Variants in EDNRB observed in about 807,000 individuals in gnomAD.
EDNRB encodes the protein endothelin receptor type B.
Under a neutral mutation model 46.4 loss-of-function variants are expected in EDNRB, and 18 were observed. The ratio of observed to expected loss-of-function variants is 0.39; its 90% CI spans 0.27 to 0.57. The LOEUF is 0.57. EDNRB is among the 20% of genes least tolerant of loss of function. EDNRB has a pLI of 0.61. For synonymous variants in EDNRB, 213 were observed against 204.9 expected, an observed-to-expected ratio of 1.04 and a Z score of -0.34; for missense variants, 434 against 537.5, an observed-to-expected ratio of 0.81 and a Z score of 1.90.
intron 1 of EDNRB, among the ~76,000 whole-genome samples, chr13:77,916,427 A>T (rs571406767): frequency 6.6e-6 from 1 of 152,196 alleles, no homozygotes; most frequent in South Asian, 2.1e-4. Flanking sequence ...ATTCAATTTC[A>T]GCTCTTACCA....
rs5350 is a variant in EDNRB at position 77,903,226 on chromosome 13, G to A, written c.731C>T (p.Thr244Met). The change falls in exon 3 of 7, where the codon ACG becomes ATG. Residue 244 changes from threonine (T) to methionine (M), a missense_variant. Transcript: ENST00000646607. ...CAGATAACTTCCTTTGTAGTCCATC[G>A]TAATTATATCAAAACCTATGGCTTC... ...VPEAIGFDIITMDYKGSYLRI... is the reference protein window; with the variant it reads ...VPEAIGFDIIMMDYKGSYLRI... The A allele has an allele frequency of 6.3e-4, 1,021 of 1,612,874 alleles. 10 individuals are homozygous for A. In the African/African-American group the frequency reaches 0.011, roughly 17 times the overall value.
At chr13:77,969,473 A>T (rs908572283) in intron 1 of EDNRB, among the ~76,000 whole-genome samples, 4 of 152,242 alleles carry the variant, frequency 2.6e-5, no homozygotes, top group Admixed American at 2.6e-4. Flanking sequence ...CTCCCTCGTG[A>T]CCCTGCAGAG....
chr13:77,934,821 A>G (rs143301709), intron 1 of EDNRB, among the ~76,000 whole-genome samples: 2,211 of 152,236 alleles, frequency 0.015, 45 homozygotes, highest in East Asian at 0.024. Context: ...GTACTATAGC[A>G]TAGCCTGGCT....
chr13:77,973,156 T>C (rs1566344887), intron 1 of EDNRB, among the ~76,000 whole-genome samples: 1 of 152,220 alleles, frequency 6.6e-6, no homozygotes, highest in Non-Finnish European at 1.5e-5. Context: ...GTGGACTTTA[T>C]AGTCCTTAGT....
Position 77,899,992 on chromosome 13 carries a change from G to A in EDNRB, c.1086-25C>T, listed in dbSNP as rs374918616. 3 of 1,588,950 alleles carry A rather than the reference G, an allele frequency of 1.9e-6. No homozygotes were observed. In the African/African-American group the frequency reaches 4.0e-5, roughly 21 times the overall value. On this transcript the variant is annotated intron_variant, in intron 5 of 6. Coordinates refer to ENST00000646607, the MANE Select transcript of EDNRB (RefSeq NM_001122659.3). ...GCTGCAACAAAATAACCCAAAATGT[G>A]TCTGAAAAATATGCTATTCTGAACA... is the stretch of plus-strand genomic sequence containing the variant.
intron 1 of EDNRB, among the ~76,000 whole-genome samples, chr13:77,971,068 T>A (rs1881713724): frequency 6.6e-6 from 1 of 152,176 alleles, no homozygotes; most frequent in African/African-American, 2.4e-5. Flanking sequence ...CATCCACGTA[T>A]AACTCTCAGT....
Position 77,898,186 on chromosome 13 carries a change from G to C in EDNRB, c.*14C>G. 1.2e-6 allele frequency: 2 copies of C among 1,610,312 alleles called. No homozygotes were observed. Among genetic ancestry groups the C allele is most frequent in the South Asian group, 2.2e-5 (2 of 90,894 alleles). ...CAATATAAAGAAAATGAAATACAGT[G>C]AATAGTTCTTCTTTCAAGATGAGCT... On this transcript the variant is annotated 3_prime_UTR_variant, in exon 7 of 7. Transcript: ENST00000646607.
intron 1 of EDNRB, among the ~76,000 whole-genome samples, chr13:77,958,344 T>TCTTATTTA (rs1044962163): frequency 6.9e-6 from 1 of 145,538 alleles, no homozygotes; most frequent in African/African-American, 2.5e-5. Flanking sequence ...TCCCAGGTTA[T>TCTTATTTA]TTTATTTATT....
chr13:77,972,930 C>A (rs1173484211), intron 1 of EDNRB, among the ~76,000 whole-genome samples: 2 of 152,118 alleles, frequency 1.3e-5, no homozygotes, highest in African/African-American at 4.8e-5. Flanking sequence ...TGAACAGCAG[C>A]CTTGGTGGTT....
intron 1 of EDNRB, among the ~76,000 whole-genome samples, chr13:77,906,512 C>T (rs934507707): frequency 2.0e-5 from 3 of 152,018 alleles, no homozygotes; most frequent in Non-Finnish European, 2.9e-5. Context: ...TCCTAAAGAA[C>T]TGGCTTCCTC....
upstream of EDNRB, among the ~76,000 whole-genome samples, chr13:77,924,537 T>TA (rs1163264240): frequency 2.0e-5 from 3 of 152,182 alleles, no homozygotes; most frequent in Non-Finnish European, 2.9e-5. Flanking sequence ...TTTAATGTGG[T>TA]AAAAAAACAC....
intron 1 of EDNRB, among the ~76,000 whole-genome samples, chr13:77,961,327 C>G (rs1431528780): frequency 3.9e-5 from 6 of 152,072 alleles, no homozygotes; most frequent in African/African-American, 7.2e-5. Flanking sequence ...ACTCTCCACC[C>G]CAAATCAACA....
rs1363428162 is a variant in EDNRB at position 77,896,935 on chromosome 13, A to C, written c.*1265T>G. On this transcript the variant is annotated 3_prime_UTR_variant, in exon 7 of 7. Transcript: ENST00000646607. ...GCAGTTTTGCCTCTAGATGAAAGAA[A>C]AGCACCATGTCAAGCAAACTTTTCT... The C allele has an allele frequency of 1.0e-6, 1 of 994,708 alleles. No individual in the cohort carries two copies. Among genetic ancestry groups the C allele is most frequent in the East Asian group, 1.1e-4 (1 of 9,076 alleles). The allele number at this position is 994,708 out of a possible 1,614,324, so 61.6% of individuals were successfully genotyped here.
chr13:77,919,140 C>A (rs767918743), upstream of EDNRB: 9 of 522,254 alleles, frequency 1.7e-5, no homozygotes, highest in Non-Finnish European at 2.9e-5. Flanking sequence ...CTACAGCTCC[C>A]GCAGCGCGCC....
In EDNRB at chr13:77,914,291, G is replaced by A. The variant is rs556192356; in HGVS notation, c.483+3800C>T. ...CTGGAAAACAAAGAATACTCAAAAC[G>A]CACATACACACACATACACACATTT... On this transcript the variant is annotated intron_variant, in intron 1 of 6. Transcript: ENST00000646607. Among the ~76,000 whole-genome samples the A allele has an allele frequency of 3.3e-5, 5 of 152,120 alleles. No homozygotes were observed. The East Asian group carries it at 7.7e-4, about 24-fold the overall frequency.
chr13:77,920,127 G>T (rs1305086682), upstream of EDNRB, among the ~76,000 whole-genome samples: 1 of 151,984 alleles, frequency 6.6e-6, no homozygotes, highest in South Asian at 2.1e-4. Flanking sequence ...CTCTCTTCCT[G>T]CCACAGTATC....
chr13:77,960,487 C>T (rs530885429), intron 1 of EDNRB, among the ~76,000 whole-genome samples: 9 of 152,180 alleles, frequency 5.9e-5, no homozygotes, highest in East Asian at 1.9e-4. Flanking sequence ...CAAGCAAATT[C>T]GGAGAGATTT....
chr13:77,936,936 C>T (rs1880583922), intron 1 of EDNRB, among the ~76,000 whole-genome samples: 1 of 152,126 alleles, frequency 6.6e-6, no homozygotes, highest in Non-Finnish European at 1.5e-5. Flanking sequence ...AAATGCATTG[C>T]CGTTTGGCTG....
chr13:77,942,288 T>C (rs995672377), intron 1 of EDNRB, among the ~76,000 whole-genome samples: 10 of 152,214 alleles, frequency 6.6e-5, no homozygotes, highest in African/African-American at 2.4e-4. Flanking sequence ...TATAAAGTGT[T>C]TACAAACAAG....
Sources: gnomAD v4.1 joint callset for allele counts (sites outside exome capture counted in the v4.1 genomes callset) on GRCh38, gnomAD v4.1.1 for gene constraint, MANE v1.5 for transcripts, NCBI Gene and HGNC (gene_info 2026-07-23, HGNC 2026-07-21) for gene names.